SH3PXD2B: variants seen among roughly 807,000 people sequenced by gnomAD.
SH3PXD2B encodes SH3 and PX domains 2B, also known as SH3 and PX domain-containing protein 2B.
SH3PXD2B carries 37 observed loss-of-function variants against 73.1 expected under a neutral mutation model. The ratio of observed to expected loss-of-function variants is 0.51; its 90% CI spans 0.39 to 0.67. The LOEUF is 0.67. Ranked by LOEUF, SH3PXD2B falls within the 30% of genes least tolerant of loss-of-function variation. The pLI is 0.00. For missense variants in SH3PXD2B, 1,053 were observed against 1,197.8 expected (o/e 0.88, Z 1.78); for synonymous variants, 457 against 480.5 (o/e 0.95, Z 0.64).
intron 12 of SH3PXD2B, among the ~76,000 whole-genome samples, chr5:172,342,591 G>A (rs1030131236): frequency 1.2e-4 from 19 of 152,148 alleles, no homozygotes; most frequent in African/African-American, 3.9e-4. Flanking sequence ...GAAACCCTGC[G>A]TCTACGAAAA....
chr5:172,391,399 T>C (rs1278783521), intron 4 of SH3PXD2B, among the ~76,000 whole-genome samples: 1 of 152,256 alleles, frequency 6.6e-6, no homozygotes, highest in Non-Finnish European at 1.5e-5. Context: ...TTGGTGTATG[T>C]TCAATACAAA....
intron 1 of SH3PXD2B, among the ~76,000 whole-genome samples, chr5:172,450,292 G>A (rs1232776307): frequency 6.6e-6 from 1 of 152,014 alleles, no homozygotes; most frequent in East Asian, 1.9e-4. Context: ...AACATCAAAT[G>A]CAGGATAGTG....
intron 10 of SH3PXD2B, among the ~76,000 whole-genome samples, chr5:172,348,039 GA>G (rs1757034215): frequency 6.6e-6 from 1 of 152,220 alleles, no homozygotes. Flanking sequence ...GGTCCATACA[GA>G]AGGGTAGTTT....
intron 5 of SH3PXD2B, among the ~76,000 whole-genome samples, chr5:172,374,147 C>T (rs187515416): frequency 0.011 from 1,609 of 152,284 alleles, 14 homozygotes; most frequent in South Asian, 0.025. Flanking sequence ...ATGCCTACCT[C>T]ATCAGGCACA....
intron 12 of SH3PXD2B, among the ~76,000 whole-genome samples, chr5:172,327,784 T>C (rs1375063527): frequency 6.7e-6 from 1 of 149,088 alleles, no homozygotes; most frequent in Non-Finnish European, 1.5e-5. Context: ...AGATGGAGTC[T>C]TACTCTGTCA....
At chr5:172,424,173 C>T (rs1444789709) in intron 1 of SH3PXD2B, among the ~76,000 whole-genome samples, 2 of 152,190 alleles carry the variant, frequency 1.3e-5, no homozygotes, top group African/African-American at 2.4e-5. Context: ...ATAATTATGT[C>T]TTGGGCCACA....
chr5:172,409,435 T>C (rs1184368813), intron 2 of SH3PXD2B, among the ~76,000 whole-genome samples: 1 of 152,212 alleles, frequency 6.6e-6, no homozygotes, highest in Admixed American at 6.5e-5. Flanking sequence ...ATTCCTCCTA[T>C]TTAGCTGTGA....
At chr5:172,431,321 G>A (rs1385650987) in intron 1 of SH3PXD2B, among the ~76,000 whole-genome samples, 3 of 152,202 alleles carry the variant, frequency 2.0e-5, no homozygotes, top group Non-Finnish European at 2.9e-5. Flanking sequence ...GCTGCAACCC[G>A]GAGCCGTGCT....
At chr5:172,424,379 A>G (rs986073260) in intron 1 of SH3PXD2B, among the ~76,000 whole-genome samples, 4 of 152,240 alleles carry the variant, frequency 2.6e-5, no homozygotes, top group Admixed American at 1.3e-4. Context: ...GAATGAGGGT[A>G]GAACAAAGAC....
downstream of SH3PXD2B, among the ~76,000 whole-genome samples, chr5:172,329,303 C>T (rs144228786): frequency 1.1e-3 from 172 of 150,584 alleles, 1 homozygote; most frequent in African/African-American, 4.0e-3. Context: ...AGGCTAGTCA[C>T]GAACTTCTCA....
At chr5:172,417,115 G>C (rs1303865009) in intron 2 of SH3PXD2B, among the ~76,000 whole-genome samples, 1 of 152,076 alleles carries the variant, frequency 6.6e-6, no homozygotes, top group Non-Finnish European at 1.5e-5. Context: ...CCGTTGGAGG[G>C]GGCATATTGT....
chr5:172,398,570 T>C (rs1008939587), intron 3 of SH3PXD2B, among the ~76,000 whole-genome samples: 2 of 152,232 alleles, frequency 1.3e-5, no homozygotes, highest in Admixed American at 1.3e-4. Context: ...GAGGCTGGAT[T>C]ACACATCACT....
At chr5:172,393,048 C>T (rs2116811) in intron 4 of SH3PXD2B, among the ~76,000 whole-genome samples, 5,865 of 152,180 alleles carry the variant, frequency 0.039, 194 homozygotes, top group South Asian at 0.19. Flanking sequence ...TATTCTGGAT[C>T]CTTTATATTT....
At chr5:172,369,786 C>CA (rs1280703431) in intron 6 of SH3PXD2B, among the ~76,000 whole-genome samples, 4 of 151,846 alleles carry the variant, frequency 2.6e-5, no homozygotes, top group Admixed American at 1.3e-4. Flanking sequence ...AACAAACTAA[C>CA]AAAAAAACCC....
At chr5:172,418,256 G>T (rs573094915) in intron 2 of SH3PXD2B, among the ~76,000 whole-genome samples, 3 of 152,338 alleles carry the variant, frequency 2.0e-5, no homozygotes, top group South Asian at 4.1e-4. Flanking sequence ...ACATCTAGAT[G>T]TTTAGCAGGA....
intron 2 of SH3PXD2B, among the ~76,000 whole-genome samples, chr5:172,420,786 G>T (rs545571836): frequency 1.3e-5 from 2 of 152,310 alleles, no homozygotes; most frequent in East Asian, 3.9e-4. Flanking sequence ...TTTCTGACAA[G>T]TGACTTTTAC....
At chr5:172,427,254 T>C (rs1216351212) in intron 1 of SH3PXD2B, among the ~76,000 whole-genome samples, 2 of 152,146 alleles carry the variant, frequency 1.3e-5, no homozygotes, top group Non-Finnish European at 2.9e-5. Context: ...ATAGAACAAA[T>C]ACTGTATGAT....
At chr5:172,452,475 T>TG (rs1759817739) in intron 1 of SH3PXD2B, among the ~76,000 whole-genome samples, 1 of 152,166 alleles carries the variant, frequency 6.6e-6, no homozygotes, top group African/African-American at 2.4e-5. Context: ...GTGGTCCTTT[T>TG]GGGGTCCAGC....
At chr5:172,329,053 G>A (rs369244827), downstream of SH3PXD2B, among the ~76,000 whole-genome samples, 1 of 94,326 alleles carries the variant, frequency 1.1e-5, no homozygotes, top group African/African-American at 4.2e-5. Context: ...GTATGTGTGT[G>A]TGTGTGTATA....
Sources: gnomAD v4.1 joint callset for allele counts (sites outside exome capture counted in the v4.1 genomes callset) on GRCh38, gnomAD v4.1.1 for gene constraint, MANE v1.5 for transcripts, NCBI Gene and HGNC (gene_info 2026-07-23, HGNC 2026-07-21) for gene names.